The following LPP variants were observed in gnomAD, a reference collection of about 807,000 sequenced individuals.
LPP encodes the protein lipoma-preferred partner.
In LPP, 38 loss-of-function variants were observed where a neutral mutation model predicts 60.4. The observed-to-expected ratio is 0.63, with a 90% confidence interval of 0.49 to 0.83. The LOEUF (loss-of-function observed/expected upper bound fraction) is 0.83, where lower values mean the gene tolerates loss of function less well. Among genes scored for constraint, LPP ranks in the 40% least tolerant of loss-of-function variants. The pLI, the probability that LPP is intolerant of heterozygous loss-of-function variation, is 0.00. For synonymous variants in LPP, 328 were observed against 290.8 expected, an observed-to-expected ratio of 1.13 and a Z score of -1.30; for missense variants, 902 against 783.6, an observed-to-expected ratio of 1.15 and a Z score of -1.80.
At position 188,880,034 on chromosome 3, in the gene LPP, CTTT is replaced by C. The variant is rs71169024; in HGVS notation, c.*5567_*5569del. 15 of 144,674 alleles carry C rather than the reference CTTT, an allele frequency of 1.0e-4. No individual in the cohort carries two copies. The highest frequency in any genetic ancestry group is 8.7e-4 in the East Asian group (6 of 6,916). 9.0% of individuals were successfully genotyped at this position (144,674 alleles called of 1,614,324 possible). ...AAAGATGCGTTTTTTTTCTTTTTTT[CTTT>C]TTTTTTTTTTTGAGACGGAGTCTGG... is the stretch of plus-strand genomic sequence containing the variant. On this transcript the variant is annotated 3_prime_UTR_variant, in exon 12 of 12. Coordinates refer to ENST00000617246, the MANE Select transcript of LPP (RefSeq NM_001375462.1).
intron 8 of LPP, among the ~76,000 whole-genome samples, chr3:188,716,889 C>A (rs762157825): frequency 1.3e-5 from 2 of 152,152 alleles, no homozygotes; most frequent in East Asian, 1.9e-4. Flanking sequence ...TGGAAGTTAG[C>A]GTCTTGCATC....
rs558655989 is a variant in LPP, at chr3:188,838,310, G to T, written c.1411-27890G>T. Reference sequence around the variant, plus strand: ...AGATTCTAGGAGGATAAGGGACTTTGTCACAAAAGTTAGCTTCTAAATGAT... The same window carrying T: ...AGATTCTAGGAGGATAAGGGACTTTTTCACAAAAGTTAGCTTCTAAATGAT... On this transcript the variant is annotated intron_variant, in intron 9 of 11. Coordinates refer to ENST00000617246, the MANE Select transcript of LPP (RefSeq NM_001375462.1). 9.2e-5 allele frequency among the ~76,000 whole-genome samples: 14 copies of T among 152,258 alleles called. No individual in the cohort carries two copies. The South Asian group carries it at 2.7e-3, about 29-fold the overall frequency.
At chr3:188,279,713 T>A (rs559384588) in intron 2 of LPP, among the ~76,000 whole-genome samples, 1 of 152,330 alleles carries the variant, frequency 6.6e-6, no homozygotes, top group Non-Finnish European at 1.5e-5. Flanking sequence ...ATTTTAGGGA[T>A]GTGATGTAAT....
intron 3 of LPP, among the ~76,000 whole-genome samples, chr3:188,344,465 G>T (rs2150707063): frequency 6.6e-6 from 1 of 152,264 alleles, no homozygotes; most frequent in South Asian, 2.1e-4. Flanking sequence ...TCACCTGGCT[G>T]TGTCACCTAG....
At chr3:188,209,612 G>A (rs1417954785) in intron 1 of LPP, among the ~76,000 whole-genome samples, 2 of 152,154 alleles carry the variant, frequency 1.3e-5, no homozygotes, top group African/African-American at 4.8e-5. Flanking sequence ...TTGTGTCCTG[G>A]AGACAGTTTT....
intron 9 of LPP, among the ~76,000 whole-genome samples, chr3:188,858,770 C>T (rs1225830016): frequency 1.3e-5 from 2 of 151,932 alleles, no homozygotes; most frequent in Non-Finnish European, 2.9e-5. Flanking sequence ...GATAGTAACA[C>T]ATAGGTTTTG....
Position 188,779,575 on chromosome 3 carries a change from A to G in LPP, c.1410+19293A>G, listed in dbSNP as rs115806393. 1.3e-3 allele frequency among the ~76,000 whole-genome samples: 203 copies of G among 152,144 alleles called. 1 individual carries two copies. The highest frequency in any genetic ancestry group is 4.8e-3 in the African/African-American group (199 of 41,512). ...CAGAAGGCTGCTCATTCATTTTTCA[A>G]AAAGACTTTTTTTTTTTTGCAATGG... On this transcript the variant is annotated intron_variant, in intron 9 of 11. Coordinates refer to ENST00000617246, the MANE Select transcript of LPP (RefSeq NM_001375462.1).
intron 7 of LPP, among the ~76,000 whole-genome samples, chr3:188,707,623 G>A (rs192265234): frequency 6.6e-6 from 1 of 152,292 alleles, no homozygotes; most frequent in African/African-American, 2.4e-5. Context: ...CAAAATGTTC[G>A]CTTTCTGGAC....
chr3:188,768,358 G>A (rs1734799541), intron 9 of LPP, among the ~76,000 whole-genome samples: 1 of 152,238 alleles, frequency 6.6e-6, no homozygotes, highest in Non-Finnish European at 1.5e-5. Context: ...AGACAATTCT[G>A]TGATAATCTA....
chr3:188,557,269 A>G (rs1157931850), intron 6 of LPP, among the ~76,000 whole-genome samples: 1 of 152,110 alleles, frequency 6.6e-6, no homozygotes, highest in Non-Finnish European at 1.5e-5. Context: ...AAATGCACGA[A>G]TAAAGGTAAC....
chr3:188,788,258 A>G (rs990042381), intron 9 of LPP, among the ~76,000 whole-genome samples: 7 of 152,222 alleles, frequency 4.6e-5, no homozygotes, highest in African/African-American at 1.7e-4. Flanking sequence ...TCATAGCCAC[A>G]TGCACACACA....
chr3:188,444,063 G>A (rs1276635377), intron 4 of LPP, among the ~76,000 whole-genome samples: 3 of 152,154 alleles, frequency 2.0e-5, no homozygotes, highest in Non-Finnish European at 2.9e-5. Context: ...CTGCTCAGAA[G>A]CTGTGTTTTT....
chr3:188,230,773 C>CA (rs760774253), intron 2 of LPP, among the ~76,000 whole-genome samples: 20,221 of 106,164 alleles, frequency 0.19, 1,734 homozygotes, highest in Non-Finnish European at 0.25. Flanking sequence ...AACTCTGTCT[C>CA]AAAAAAAAAA....
chr3:188,465,219 T>G (rs1476233518), intron 4 of LPP, among the ~76,000 whole-genome samples: 1 of 152,130 alleles, frequency 6.6e-6, no homozygotes, highest in East Asian at 1.9e-4. Flanking sequence ...GACACCTTGT[T>G]GAATTCCATT....
Position 188,880,496 on chromosome 3 carries a change from A to G in LPP, c.*6017A>G, listed in dbSNP as rs1769837987. On this transcript the variant is annotated 3_prime_UTR_variant, in exon 12 of 12. Transcript: ENST00000617246. Reference sequence around the variant, plus strand: ...TTAAAAATAAAAATTAATATTCTACAAACACCTACATATACTAGAGAGGGG... The same window carrying G: ...TTAAAAATAAAAATTAATATTCTACGAACACCTACATATACTAGAGAGGGG... 5.3e-6 allele frequency: 1 copy of G among 189,370 alleles called. No homozygotes were observed. Among genetic ancestry groups the G allele is most frequent in the South Asian group, 1.9e-4 (1 of 5,152 alleles). 11.7% of individuals were successfully genotyped at this position (189,370 alleles called of 1,614,324 possible).
intron 1 of LPP, among the ~76,000 whole-genome samples, chr3:188,185,210 G>A (rs1054259994): frequency 4.6e-5 from 7 of 151,152 alleles, no homozygotes; most frequent in African/African-American, 1.5e-4. Context: ...CTGTGACCTC[G>A]AGAATGTTGT....
intron 3 of LPP, among the ~76,000 whole-genome samples, chr3:188,382,554 A>T (rs1238291351): frequency 6.6e-6 from 1 of 152,142 alleles, no homozygotes; most frequent in Non-Finnish European, 1.5e-5. Flanking sequence ...CTACATTTAC[A>T]TGTGTAATTA....
intron 4 of LPP, among the ~76,000 whole-genome samples, chr3:188,483,902 G>A (rs1414588355): frequency 6.6e-6 from 1 of 152,146 alleles, no homozygotes; most frequent in African/African-American, 2.4e-5. Flanking sequence ...CTGCATGCAT[G>A]ATAAAATTCA....
chr3:188,783,319 G>A (rs945277055), intron 9 of LPP, among the ~76,000 whole-genome samples: 8 of 152,018 alleles, frequency 5.3e-5, no homozygotes, highest in African/African-American at 1.2e-4. Context: ...GCCCATCAGC[G>A]ACAGACTGGA....
Sources: gnomAD v4.1 joint callset for allele counts (sites outside exome capture counted in the v4.1 genomes callset) on GRCh38, gnomAD v4.1.1 for gene constraint, MANE v1.5 for transcripts, NCBI Gene and HGNC (gene_info 2026-07-23, HGNC 2026-07-21) for gene names.